The following MISP variants were observed in gnomAD, a reference collection of about 807,000 sequenced individuals.
The protein encoded by MISP is mitotic spindle positioning.
A neutral mutation model predicts 49.3 loss-of-function variants in MISP; 51 were observed. That is an observed-to-expected ratio of 1.03 (90% confidence interval 0.83 to 1.31). The LOEUF (loss-of-function observed/expected upper bound fraction) is 1.31, where lower values mean the gene tolerates loss of function less well. Among genes scored for constraint, MISP ranks in the 50% most tolerant of loss-of-function variants. The probability of loss-of-function intolerance (pLI) is 0.00; values close to 1 mark genes in which losing one functional copy is unlikely to be tolerated. For missense variants in MISP, 1,084 were observed against 935.1 expected (o/e 1.16, Z -2.08); for synonymous variants, 444 against 392.6 (o/e 1.13, Z -1.55).
chr19:749,247 G>A (rs980235376), upstream of MISP, among the ~76,000 whole-genome samples: 1 of 152,194 alleles, frequency 6.6e-6, no homozygotes, highest in Non-Finnish European at 1.5e-5. Flanking sequence ...CCTCCACCCT[G>A]CTGGGGCCTC....
At chr19:749,950 G>A (rs1009597336), upstream of MISP, among the ~76,000 whole-genome samples, 1 of 152,128 alleles carries the variant, frequency 6.6e-6, no homozygotes, top group Non-Finnish European at 1.5e-5. Context: ...CTCTGGCGTA[G>A]GTCAGGACAG....
At chr19:759,692 G>T (rs749242775) in intron 2 of MISP, among the ~76,000 whole-genome samples, 7 of 152,184 alleles carry the variant, frequency 4.6e-5, no homozygotes, top group Non-Finnish European at 1.0e-4. Context: ...GAGCCACCGC[G>T]CCCGGCCACT....
intron 4 of MISP, among the ~76,000 whole-genome samples, chr19:762,760 G>C (rs1164372498): frequency 3.3e-5 from 5 of 152,062 alleles, no homozygotes; most frequent in Non-Finnish European, 7.3e-5. Flanking sequence ...CTGGGCTCAA[G>C]CAATCCTCCC....
chr19:749,427 G>A (rs1023281025), upstream of MISP, among the ~76,000 whole-genome samples: 1 of 151,786 alleles, frequency 6.6e-6, no homozygotes, highest in African/African-American at 2.4e-5. Context: ...GGTGGCGGGA[G>A]GCGGCGGTGG....
chr19:761,779 T>C, intron 4 of MISP, 116 bp downstream of exon 4: 1 of 1,087,486 alleles, frequency 9.2e-7, no homozygotes. Flanking sequence ...TTGGGTGTCT[T>C]CTCAATTGGT....
In MISP at chr19:758,022, C is replaced by T; in HGVS notation, c.1076C>T (p.Thr359Ile). ...GTGCAGCGGGACATAGTACAGGAGA[C>T]ACAGCGTGAGGAAGACCACCGGCGG... is the stretch of plus-strand genomic sequence containing the variant. ...LYVQRDIVQE[T>I]QREEDHRREG... The change falls in exon 2 of 5, where the codon ACA becomes ATA. Residue 359 changes from threonine to isoleucine, a missense_variant. By Grantham distance (89) the Thr-to-Ile change is moderately conservative. Coordinates refer to ENST00000215582, the MANE Select transcript of MISP (RefSeq NM_173481.4). 5.1e-6 allele frequency: 8 copies of T among 1,570,354 alleles called. No homozygotes were observed. Among genetic ancestry groups the T allele is most frequent in the Non-Finnish European group, 6.0e-6 (7 of 1,161,732 alleles).
upstream of MISP, among the ~76,000 whole-genome samples, chr19:750,022 G>A (rs62131309): frequency 0.057 from 8,618 of 151,982 alleles, 462 homozygotes; most frequent in African/African-American, 0.14. Context: ...CCTCATAGAC[G>A]GCGCTAGGCC....
chr19:750,509 G>C (rs111398367), upstream of MISP, among the ~76,000 whole-genome samples: 1,396 of 152,172 alleles, frequency 9.2e-3, 10 homozygotes, highest in Middle Eastern at 0.014. Flanking sequence ...CCCCTCGTAT[G>C]GGTTTTTATG....
At chr19:748,851 C>T (rs2033417388), upstream of MISP, among the ~76,000 whole-genome samples, 1 of 152,208 alleles carries the variant, frequency 6.6e-6, no homozygotes, top group Non-Finnish European at 1.5e-5. Context: ...TAAAATAAGC[C>T]TTCGTGGCCG....
chr19:757,069 C>T lies in MISP; in HGVS notation c.123C>T (p.Ser41=), dbSNP rs543813640. The stretch of plus-strand genomic sequence containing the variant: ...TGGTGTGCATGGGCCCCGAGGCCAG[C>T]GGCTGGGGCCAGGATGAGCCGCAGA... ...YHLVCMGPEA[S]GWGQDEPQTW... Residue 41 remains serine (S), a synonymous_variant, in exon 2 of 5, where the codon AGC becomes AGT. Coordinates refer to ENST00000215582, the MANE Select transcript of MISP (RefSeq NM_173481.4). 3.3e-5 allele frequency: 54 copies of T among 1,611,946 alleles called. No homozygotes were observed. The highest frequency in any genetic ancestry group is 1.7e-4 in the Middle Eastern group (1 of 6,048).
chr19:762,973 C>G (rs1396083336), intron 4 of MISP, among the ~76,000 whole-genome samples: 1 of 152,146 alleles, frequency 6.6e-6, no homozygotes, highest in Admixed American at 6.6e-5. Flanking sequence ...TCGCCTGACC[C>G]CTCTTTGAGC....
At chr19:756,699 T>C (rs1013947671) in intron 1 of MISP, among the ~76,000 whole-genome samples, 191 bp from the exon 2 acceptor site, 5 of 149,348 alleles carry the variant, frequency 3.3e-5, no homozygotes, top group African/African-American at 1.3e-4. Context: ...GGACTGTCAC[T>C]TACGCACCCC....
chr19:759,185 G>A (rs992677052), intron 2 of MISP, among the ~76,000 whole-genome samples: 6 of 151,538 alleles, frequency 4.0e-5, no homozygotes, highest in South Asian at 2.1e-4. Flanking sequence ...CACCACTCCC[G>A]GCTAATTTTT....
Position 757,432 on chromosome 19 carries a change from G to A in MISP, c.486G>A (p.Gln162=). ...AGAGCAGCACCGTGGCCACGCTCCA[G>A]GGCACTCCTGACCACGGAGACCCCA... is the stretch of plus-strand genomic sequence containing the variant. ...VRKSSTVATL[Q]GTPDHGDPRT... Residue 162 remains glutamine (Q), a synonymous_variant, in exon 2 of 5, where the codon CAG becomes CAA. Transcript: ENST00000215582. The A allele has an allele frequency of 6.3e-7, 1 of 1,596,486 alleles. No individual in the cohort carries two copies. Among genetic ancestry groups the A allele is most frequent in the Non-Finnish European group, 8.5e-7 (1 of 1,172,396 alleles).
rs770035314 is a variant in MISP at position 757,636 on chromosome 19, C to A, written c.690C>A (p.Ala230=). ...PAGTTPGASQ[A]PKAFNKPHLA... ...GCACAACCCCAGGGGCCAGCCAGGC[C>A]CCCAAGGCCTTCAACAAGCCCCACC... The change falls in exon 2 of 5, where the codon GCC becomes GCA. Residue 230 remains alanine, a synonymous_variant. Transcript: ENST00000215582. The A allele has an allele frequency of 1.2e-6, 2 of 1,612,874 alleles. No homozygotes were observed. Among genetic ancestry groups the A allele is most frequent in the Admixed American group, 3.3e-5 (2 of 59,840 alleles).
rs756738154 is a variant in MISP at position 757,563 on chromosome 19, C to G, written c.617C>G (p.Ala206Gly). The G allele has an allele frequency of 6.8e-6, 11 of 1,612,678 alleles. No homozygotes were observed. The highest frequency in any genetic ancestry group is 1.7e-5 in the Admixed American group (1 of 59,824). The change falls in exon 2 of 5, where the codon GCG (alanine) becomes GGG (glycine). Residue 206 changes from alanine to glycine, a missense_variant. By Grantham distance (60) the Ala-to-Gly change is moderately conservative (BLOSUM62 0). Coordinates refer to ENST00000215582, the MANE Select transcript of MISP (RefSeq NM_173481.4). The stretch of plus-strand genomic sequence containing the variant: ...CAGCAGTTCCTGAGTCTGGAGCAGG[C>G]GAACAAGGGGGCCCCTCATAGCTCC... The part of the protein sequence containing the change: ...ARQQFLSLEQ[A>G]NKGAPHSSPA...
At chr19:750,233 C>G (rs1456341994), upstream of MISP, among the ~76,000 whole-genome samples, 16 of 117,310 alleles carry the variant, frequency 1.4e-4, no homozygotes, top group South Asian at 5.9e-4. Context: ...GAGTTTTGCT[C>G]TTGTCGCCCA....
At chr19:761,707 A>C (rs756170196) in intron 4 of MISP, 44 bp downstream of exon 4, 27 of 1,610,156 alleles carry the variant, frequency 1.7e-5, no homozygotes, top group Non-Finnish European at 1.9e-5. Flanking sequence ...TTTCCCCCCC[A>C]CATCTGTGCC....
Position 757,477 on chromosome 19 carries a change from G to T in MISP, c.531G>T (p.Arg177=). The change falls in exon 2 of 5, where the codon CGG becomes CGT. Residue 177 remains arginine (R), a synonymous_variant. Transcript: ENST00000215582. ...ACCCCAGGACCCCCGGCCCACCTCG[G>T]TCCACGCCCCTGGAGGAGAACGTGG... ...HGDPRTPGPP[R]STPLEENVVD... is the part of the protein sequence containing the mutation. The T allele has an allele frequency of 1.3e-6, 2 of 1,596,534 alleles. No individual in the cohort carries two copies. The highest frequency in any genetic ancestry group is 2.7e-5 in the African/African-American group (2 of 74,208).
Sources: gnomAD v4.1 joint callset for allele counts (sites outside exome capture counted in the v4.1 genomes callset) on GRCh38, gnomAD v4.1.1 for gene constraint, MANE v1.5 for transcripts, NCBI Gene and HGNC (gene_info 2026-07-23, HGNC 2026-07-21) for gene names.